Variants in GPR55 observed in about 807,000 individuals in gnomAD.
The protein encoded by GPR55 is G-protein coupled receptor 55.
In GPR55, 6 loss-of-function variants were observed where a neutral mutation model predicts 7.9. That is an observed-to-expected ratio of 0.76 (90% CI 0.41 to 1.49). The LOEUF is 1.49. GPR55 is among the 40% of genes most tolerant of loss of function. The probability of loss-of-function intolerance (pLI) is 0.01; values close to 1 mark genes in which losing one functional copy is unlikely to be tolerated. For synonymous variants in GPR55, 183 were observed against 166.8 expected, an observed-to-expected ratio of 1.10 and a Z score of -0.75; for missense variants, 376 against 406.0, an observed-to-expected ratio of 0.93 and a Z score of 0.63.
upstream of GPR55, among the ~76,000 whole-genome samples, chr2:230,928,273 C>T (rs574802095): frequency 1.7e-3 from 254 of 152,174 alleles, no homozygotes; most frequent in African/African-American, 5.9e-3. Flanking sequence ...CCAGCAGCAA[C>T]AAGAAGGAAT....
At chr2:230,922,074 G>T (rs1690851145) in intron 1 of GPR55, among the ~76,000 whole-genome samples, 1 of 152,168 alleles carries the variant, frequency 6.6e-6, no homozygotes, top group Non-Finnish European at 1.5e-5. Flanking sequence ...GCAAGCAAAG[G>T]CAGGGCTATG....
chr2:230,935,783 T>A (rs980185542), intron 1 of GPR55, among the ~76,000 whole-genome samples: 4 of 152,178 alleles, frequency 2.6e-5, no homozygotes, highest in Non-Finnish European at 4.4e-5. Context: ...TGTTTTGGAT[T>A]TTGGATTTTT....
At chr2:230,927,218 C>A (rs956626794), upstream of GPR55, among the ~76,000 whole-genome samples, 2 of 152,288 alleles carry the variant, frequency 1.3e-5, 1 homozygote. Context: ...CACCTGAGCT[C>A]TTATTTTCTC....
chr2:230,937,439 G>A (rs1691149112), intron 1 of GPR55, among the ~76,000 whole-genome samples: 1 of 148,058 alleles, frequency 6.8e-6, no homozygotes, highest in South Asian at 2.1e-4. Flanking sequence ...AAAGCTTTAG[G>A]TCCCTGGGGA....
In GPR55 at chr2:230,920,293, C is replaced by T. The variant is rs576759567; in HGVS notation, c.-135+4875G>A. Among the ~76,000 whole-genome samples the T allele has an allele frequency of 3.9e-5, 6 of 152,072 alleles. No individual in the cohort carries two copies. The South Asian group carries it at 6.2e-4, about 16-fold the overall frequency. ...GGCATGGCAGGGCGCAAGGTTTACA[C>T]AAAATTAAAAGTTATGCATTGAATT... On this transcript the variant is annotated intron_variant, in intron 1 of 1. Coordinates refer to ENST00000650999, the MANE Select transcript of GPR55 (RefSeq NM_005683.4).
At chr2:230,914,119 G>A (rs1362943882) in intron 1 of GPR55, among the ~76,000 whole-genome samples, 2 of 152,168 alleles carry the variant, frequency 1.3e-5, no homozygotes, top group African/African-American at 2.4e-5. Context: ...GAAAACAATC[G>A]GTGATGCTCA....
At chr2:230,959,455 A>C (rs1292668127) in intron 1 of GPR55, among the ~76,000 whole-genome samples, 2 of 152,172 alleles carry the variant, frequency 1.3e-5, no homozygotes, top group African/African-American at 2.4e-5. Flanking sequence ...TCTCAAAAAA[A>C]AAAAAGTTGC....
chr2:230,947,777 C>A (rs1691342864), intron 1 of GPR55, among the ~76,000 whole-genome samples: 2 of 152,248 alleles, frequency 1.3e-5, no homozygotes, highest in South Asian at 4.2e-4. Flanking sequence ...GCTGGGATTA[C>A]AAGTGTCGAC....
chr2:230,939,068 A>C (rs1691178135), intron 1 of GPR55, among the ~76,000 whole-genome samples: 1 of 152,158 alleles, frequency 6.6e-6, no homozygotes. Context: ...GAAGAGGCCG[A>C]CTAGCCAACA....
intron 1 of GPR55, among the ~76,000 whole-genome samples, chr2:230,911,805 G>T (rs1690599077): frequency 6.6e-6 from 1 of 152,186 alleles, no homozygotes; most frequent in South Asian, 2.1e-4. Flanking sequence ...AAGGCCTTTT[G>T]TCGGGCAGAA....
At position 230,910,808 on chromosome 2, in the gene GPR55, C is replaced by T. The variant is rs1333514526; in HGVS notation, c.155G>A (p.Arg52Lys). Residue 52 changes from arginine to lysine, a missense_variant, in exon 2 of 2, where the codon AGG becomes AAG. By Grantham distance (26) the Arg-to-Lys change is conservative. Coordinates refer to ENST00000650999, the MANE Select transcript of GPR55 (RefSeq NM_005683.4). The surrounding 1 kb of genome is among the most constrained non-coding windows in gnomAD (Gnocchi z 5.4). ...IHGFSTFLKN[R>K]WPDYAATSIY... ...GGAGGTGGCAGCATAATCGGGCCAC[C>T]TGTTCTTAAGGAAGGTGCTGAAGCC... 1.2e-6 allele frequency: 2 copies of T among 1,613,380 alleles called. No homozygotes were observed. Among genetic ancestry groups the T allele is most frequent in the Non-Finnish European group, 1.7e-6 (2 of 1,179,772 alleles).
In GPR55 at chr2:230,910,518, C is replaced by A; in HGVS notation, c.445G>T (p.Val149Leu). 7.4e-6 allele frequency: 12 copies of A among 1,614,134 alleles called. No individual in the cohort carries two copies. Among genetic ancestry groups the A allele is most frequent in the Non-Finnish European group, 9.3e-6 (11 of 1,179,974 alleles). The change falls in exon 2 of 2, where the codon GTG becomes TTG. Residue 149 changes from valine (V) to leucine (L), a missense_variant. By Grantham distance (32) the Val-to-Leu change is conservative. Transcript: ENST00000650999. This position sits in a 1 kb window ranked among gnomAD's most constrained non-coding sequence, Gnocchi z 5.4. ...TAGATAGGGATGCTTCCGGTCCACACCAGGACCCAGATGGTGCAGCAGATC... is the reference window on the plus strand; with the variant it reads ...TAGATAGGGATGCTTCCGGTCCACAACAGGACCCAGATGGTGCAGCAGATC... ...FGICCTIWVLVWTGSIPIYSF... is the reference protein window; with the variant it reads ...FGICCTIWVLLWTGSIPIYSF...
rs143168601 is a variant in GPR55, at chr2:230,943,629, T to C, written c.-135+17146A>G. Among the ~76,000 whole-genome samples the C allele has an allele frequency of 2.9e-3, 440 of 152,324 alleles. 4 individuals carry two copies. The highest frequency in any genetic ancestry group is 0.01 in the African/African-American group (416 of 41,586). On this transcript the variant is annotated intron_variant, in intron 1 of 1. Transcript: ENST00000392039. ...CCCCTCTAAATCTCATGTTGAACTG[T>C]CATCCCCAGTGCTGGAGGCGGGGCC... is the stretch of plus-strand genomic sequence containing the variant.
rs552435712 is a variant in GPR55 at position 230,922,044 on chromosome 2, C to T, written c.-135+3124G>A. Among the ~76,000 whole-genome samples the T allele has an allele frequency of 9.3e-5, 14 of 149,836 alleles. 1 individual carries two copies. The South Asian group carries it at 3.0e-3, about 32-fold the overall frequency. ...CAAAGCAGCCTCGTCATGTGGAGGG[C>T]TCTCTGTCACCAGAGGTATGCAAGC... On this transcript the variant is annotated intron_variant, in intron 1 of 1. Transcript: ENST00000650999.
At position 230,944,867 on chromosome 2, in the gene GPR55, C is replaced by A. The variant is rs1279669258; in HGVS notation, c.-135+15908G>T. Among the ~76,000 whole-genome samples, 1 of 152,250 alleles carries A rather than the reference C, an allele frequency of 6.6e-6. No homozygotes were observed. The highest frequency in any genetic ancestry group is 1.9e-4 in the East Asian group (1 of 5,202). Reference sequence around the variant, plus strand: ...GTTGTTCAGCCCTCCAAGAATCATTCTTGATGCCCTGCAAATACCAGGCGC... The same window carrying A: ...GTTGTTCAGCCCTCCAAGAATCATTATTGATGCCCTGCAAATACCAGGCGC... On this transcript the variant is annotated intron_variant, in intron 1 of 1. Transcript: ENST00000392039. The surrounding 1 kb of genome is among the most constrained non-coding windows in gnomAD (Gnocchi z 4.2).
chr2:230,951,717 C>A (rs1046859433), intron 1 of GPR55, among the ~76,000 whole-genome samples: 1 of 151,246 alleles, frequency 6.6e-6, no homozygotes, highest in African/African-American at 2.4e-5. Context: ...TCATTAGGCC[C>A]AGAGAAGGTA....
At chr2:230,913,589 T>C (rs1479012543) in intron 1 of GPR55, among the ~76,000 whole-genome samples, 1 of 152,138 alleles carries the variant, frequency 6.6e-6, no homozygotes, top group East Asian at 1.9e-4. Flanking sequence ...TGGTGTCCTG[T>C]GGTCTGTGGG....
In GPR55 at chr2:230,923,834, C is replaced by T. The variant is rs539918824; in HGVS notation, c.-135+1334G>A. Reference sequence around the variant, plus strand: ...ACTCATGTTCTGAGTCTCTCCTCCTCGCTCACCCTGGCCCCCATCAGCATC... The same window carrying T: ...ACTCATGTTCTGAGTCTCTCCTCCTTGCTCACCCTGGCCCCCATCAGCATC... On this transcript the variant is annotated intron_variant, in intron 1 of 1. Coordinates refer to ENST00000650999, the MANE Select transcript of GPR55 (RefSeq NM_005683.4). This position sits in a 1 kb window ranked among gnomAD's most constrained non-coding sequence, Gnocchi z 4.1. Among the ~76,000 whole-genome samples, 2 of 152,022 alleles carry T rather than the reference C, an allele frequency of 1.3e-5. No homozygotes were observed. The highest frequency in any genetic ancestry group is 3.9e-4 in the East Asian group (2 of 5,192).
chr2:230,940,180 A>G (rs10187113), intron 1 of GPR55, among the ~76,000 whole-genome samples: 25,783 of 151,822 alleles, frequency 0.17, 6,311 homozygotes, highest in African/African-American at 0.54. Context: ...CCTGGACCAG[A>G]GCCCAGCAGC....
Sources: gnomAD v4.1 joint callset for allele counts (sites outside exome capture counted in the v4.1 genomes callset) on GRCh38, gnomAD v4.1.1 for gene constraint, Gnocchi (gnomAD v3.1) non-coding constraint, MANE v1.5 for transcripts, NCBI Gene and HGNC (gene_info 2026-07-23, HGNC 2026-07-21) for gene names.